Variants in SPRR2G observed in about 807,000 individuals in gnomAD.
The protein encoded by SPRR2G is small proline rich protein 2G, also known as small proline-rich protein 2G.
In SPRR2G, 1 loss-of-function variant was observed where a neutral mutation model predicts 0.7. The ratio of observed to expected loss-of-function variants is 1.49; its 90% CI spans 0.53 to 7.06. The LOEUF is 7.06. Among genes scored for constraint, SPRR2G ranks in the 30% most tolerant of loss-of-function variants. The pLI, the probability that SPRR2G is intolerant of heterozygous loss-of-function variation, is 0.14. For synonymous variants in SPRR2G, 38 were observed against 33.9 expected (o/e 1.12, Z -0.42); for missense variants, 96 against 88.5 (o/e 1.09, Z -0.34).
chr1:153,173,431 C>A, the SPRR2G span, among the ~76,000 whole-genome samples: 1 of 151,674 alleles, frequency 6.6e-6, no homozygotes, highest in Non-Finnish European at 1.5e-5. Flanking sequence ...GATGGAGGCT[C>A]TAAAGGGAAG....
the SPRR2G span, among the ~76,000 whole-genome samples, chr1:153,198,924 A>C: frequency 6.6e-6 from 1 of 152,162 alleles, no homozygotes; most frequent in Non-Finnish European, 1.5e-5. Flanking sequence ...CAGAGGAGAA[A>C]GGGCTCGGGA....
upstream of SPRR2G, among the ~76,000 whole-genome samples, chr1:153,155,762 T>C (rs1001734475): frequency 2.6e-5 from 4 of 152,222 alleles, no homozygotes; most frequent in African/African-American, 4.8e-5. Context: ...TTTTCTATCC[T>C]CAGTGAATTT....
chr1:153,181,465 C>T, the SPRR2G span, among the ~76,000 whole-genome samples: 3 of 152,096 alleles, frequency 2.0e-5, no homozygotes, highest in Non-Finnish European at 4.4e-5. Context: ...TTCTCATTAA[C>T]TATAGTCAGC....
chr1:153,189,854 C>T, the SPRR2G span, among the ~76,000 whole-genome samples: 1 of 152,114 alleles, frequency 6.6e-6, no homozygotes, highest in African/African-American at 2.4e-5. Context: ...ACGATACCAA[C>T]TCCTGGGAGG....
At chr1:153,158,232 T>C in the SPRR2G span, among the ~76,000 whole-genome samples, 1 of 152,186 alleles carries the variant, frequency 6.6e-6, no homozygotes, top group Non-Finnish European at 1.5e-5. Context: ...CTTCCACCTA[T>C]GAGCCCGTAA....
the SPRR2G span, among the ~76,000 whole-genome samples, chr1:153,177,029 T>C: frequency 1.3e-5 from 2 of 152,196 alleles, no homozygotes; most frequent in East Asian, 3.9e-4. Context: ...CATAGGTTAG[T>C]TTTCCTTATT....
At chr1:153,186,498 T>G in the SPRR2G span, among the ~76,000 whole-genome samples, 1 of 152,226 alleles carries the variant, frequency 6.6e-6, no homozygotes, top group Admixed American at 6.5e-5. Flanking sequence ...TGACCTTTGT[T>G]GGTTTAAAAT....
the SPRR2G span, among the ~76,000 whole-genome samples, chr1:153,156,783 A>C: frequency 1.3e-5 from 2 of 152,238 alleles, no homozygotes. Flanking sequence ...AATTAGTACA[A>C]ATTTGGGGAG....
chr1:153,183,354 T>C, the SPRR2G span, among the ~76,000 whole-genome samples: 1 of 151,980 alleles, frequency 6.6e-6, no homozygotes, highest in Non-Finnish European at 1.5e-5. Context: ...CCCAAAGTGC[T>C]GGGATTACAG....
chr1:153,168,106 G>A, the SPRR2G span, among the ~76,000 whole-genome samples: 11 of 152,186 alleles, frequency 7.2e-5, no homozygotes, highest in Middle Eastern at 3.4e-3. Context: ...ATATCACTAG[G>A]AGAGAAGAAT....
chr1:153,149,866 G>T lies in SPRR2G; in HGVS notation c.*23C>A, dbSNP rs1241705292. The stretch of plus-strand genomic sequence containing the variant: ...GAGCCACTGGATCTTGTTGTTTCAT[G>T]GTCCTGATGAATTCTAGTGATGTTA... On this transcript the variant is annotated 3_prime_UTR_variant, in exon 2 of 2. Transcript: ENST00000368748. 1.1e-5 allele frequency: 17 copies of T among 1,613,230 alleles called. No homozygotes were observed. The highest frequency in any genetic ancestry group is 1.4e-5 in the Non-Finnish European group (17 of 1,179,400).
the SPRR2G span, among the ~76,000 whole-genome samples, chr1:153,193,223 G>GA: frequency 4.6e-5 from 7 of 152,156 alleles, no homozygotes; most frequent in African/African-American, 1.7e-4. Context: ...ATCATTCCTG[G>GA]AGGTGACAGC....
At chr1:153,152,111 A>G (rs1029764517), upstream of SPRR2G, among the ~76,000 whole-genome samples, 5 of 152,234 alleles carry the variant, frequency 3.3e-5, no homozygotes, top group Non-Finnish European at 5.9e-5. Flanking sequence ...GTGGCCTAAA[A>G]TTATGCACAT....
chr1:153,181,760 T>C, the SPRR2G span, among the ~76,000 whole-genome samples: 1 of 151,840 alleles, frequency 6.6e-6, no homozygotes, highest in Non-Finnish European at 1.5e-5. Context: ...TTTCCTTATT[T>C]TTATGGCTGA....
chr1:153,200,844 C>T, the SPRR2G span, among the ~76,000 whole-genome samples: 1 of 152,052 alleles, frequency 6.6e-6, no homozygotes, highest in Non-Finnish European at 1.5e-5. Flanking sequence ...GGATTTCAGG[C>T]ATGCGCCACC....
At chr1:153,159,463 C>CA in the SPRR2G span, among the ~76,000 whole-genome samples, 1 of 152,206 alleles carries the variant, frequency 6.6e-6, no homozygotes, top group African/African-American at 2.4e-5. Context: ...TAGGAAGTTC[C>CA]AAATTTTCCC....
the SPRR2G span, among the ~76,000 whole-genome samples, chr1:153,183,568 T>G: frequency 2.6e-5 from 4 of 152,080 alleles, no homozygotes; most frequent in Admixed American, 2.6e-4. Context: ...TTGGGGTTGT[T>G]TGTTTTTTTC....
the SPRR2G span, among the ~76,000 whole-genome samples, chr1:153,170,969 G>C: frequency 6.6e-6 from 1 of 152,164 alleles, no homozygotes; most frequent in Non-Finnish European, 1.5e-5. Flanking sequence ...CAAAGACCTA[G>C]AAGATCCAGG....
At chr1:153,161,199 C>T in the SPRR2G span, among the ~76,000 whole-genome samples, 2 of 150,820 alleles carry the variant, frequency 1.3e-5, no homozygotes, top group East Asian at 3.9e-4. Context: ...CAAAACTGCA[C>T]GTTGTGCACA....
Sources: gnomAD v4.1 joint callset for allele counts (sites outside exome capture counted in the v4.1 genomes callset) on GRCh38, gnomAD v4.1.1 for gene constraint, MANE v1.5 for transcripts, NCBI Gene and HGNC (gene_info 2026-07-23, HGNC 2026-07-21) for gene names.